WDFY3: variants seen among roughly 807,000 people sequenced by gnomAD.
The protein encoded by WDFY3 is WD repeat and FYVE domain-containing protein 3.
Under a neutral mutation model 409.6 loss-of-function variants are expected in WDFY3, and 66 were observed. That is an observed-to-expected ratio of 0.16 (90% CI 0.13 to 0.20). The LOEUF is 0.20. Among genes scored for constraint, WDFY3 ranks in the 10% least tolerant of loss-of-function variants. The probability of loss-of-function intolerance (pLI) is 1.00; values close to 1 mark genes in which losing one functional copy is unlikely to be tolerated. For missense variants in WDFY3, 3,031 were observed against 4,298.1 expected, an observed-to-expected ratio of 0.71 and a Z score of 8.24; for synonymous variants, 1,521 against 1,537.1, an observed-to-expected ratio of 0.99 and a Z score of 0.25.
intron 1 of WDFY3, among the ~76,000 whole-genome samples, chr4:84,954,823 C>G (rs1208409351): frequency 1.3e-5 from 2 of 152,166 alleles, no homozygotes; most frequent in Non-Finnish European, 2.9e-5. Context: ...CAAACTCTCT[C>G]TAGAATCAGC....
intron 3 of WDFY3, among the ~76,000 whole-genome samples, chr4:84,880,843 G>A (rs1184711086): frequency 3.4e-5 from 5 of 148,984 alleles, no homozygotes; most frequent in African/African-American, 5.0e-5. Flanking sequence ...TCAGCCTCTC[G>A]AGTGGCTGGG....
At chr4:84,804,404 A>G (rs1040106524) in intron 15 of WDFY3, among the ~76,000 whole-genome samples, 6 of 152,144 alleles carry the variant, frequency 3.9e-5, no homozygotes, top group Non-Finnish European at 5.9e-5. Context: ...TACGTCACTG[A>G]TTTAGTAGCA....
chr4:84,720,150 GAC>G (rs1011605752), intron 47 of WDFY3, among the ~76,000 whole-genome samples: 7 of 152,126 alleles, frequency 4.6e-5, no homozygotes, highest in Admixed American at 1.3e-4. Flanking sequence ...ATAGAGATAA[GAC>G]ACAGTTTGCC....
chr4:84,892,023 A>ATTT (rs200646761), intron 3 of WDFY3, among the ~76,000 whole-genome samples: 2 of 135,852 alleles, frequency 1.5e-5, no homozygotes, highest in African/African-American at 2.7e-5. Context: ...ATGGCCTTCA[A>ATTT]TTTTTTTTTT....
chr4:84,711,149 T>C (rs573229187), intron 51 of WDFY3, among the ~76,000 whole-genome samples: 2 of 152,348 alleles, frequency 1.3e-5, no homozygotes, highest in South Asian at 4.1e-4. Context: ...TATAAAGGGC[T>C]ACTAGTTACT....
intron 59 of WDFY3, among the ~76,000 whole-genome samples, chr4:84,692,021 C>T (rs1729351722): frequency 6.6e-6 from 1 of 152,192 alleles, no homozygotes; most frequent in Non-Finnish European, 1.5e-5. Flanking sequence ...TATTTCTGGG[C>T]ACTCTCTGGT....
chr4:84,866,638 T>C (rs1404363735), intron 3 of WDFY3, among the ~76,000 whole-genome samples: 1 of 152,214 alleles, frequency 6.6e-6, no homozygotes, highest in African/African-American at 2.4e-5. Flanking sequence ...GGGTAGCTGA[T>C]AGGGACCTCA....
At chr4:84,804,632 A>G (rs2149680746) in intron 15 of WDFY3, among the ~76,000 whole-genome samples, 1 of 152,282 alleles carries the variant, frequency 6.6e-6, no homozygotes, top group South Asian at 2.1e-4. Context: ...AAATATTCAA[A>G]ATGTGTATTA....
At chr4:84,850,713 T>C (rs1208940405) in intron 4 of WDFY3, among the ~76,000 whole-genome samples, 1 of 152,104 alleles carries the variant, frequency 6.6e-6, no homozygotes, top group African/African-American at 2.4e-5. Flanking sequence ...AAAGCAGCTC[T>C]ACTGCTAAAT....
At chr4:84,860,380 C>T (rs370624414) in intron 4 of WDFY3, 32 bp downstream of exon 4, 71 of 1,590,608 alleles carry the variant, frequency 4.5e-5, no homozygotes, top group Non-Finnish European at 5.8e-5. Flanking sequence ...CCCCCAGTCC[C>T]GGAAGGTGTG....
chr4:84,764,160 G>A (rs1298555582), intron 32 of WDFY3, among the ~76,000 whole-genome samples: 5 of 152,296 alleles, frequency 3.3e-5, no homozygotes, highest in South Asian at 4.1e-4. Context: ...AATCTCAGGC[G>A]TTATTACTAC....
chr4:84,790,471 A>G (rs1748322417), intron 21 of WDFY3, among the ~76,000 whole-genome samples: 1 of 152,238 alleles, frequency 6.6e-6, no homozygotes, highest in Admixed American at 6.5e-5. Context: ...TGCTCAAGAA[A>G]TATAGGTATA....
At chr4:84,677,956 T>C (rs1329420951) in intron 66 of WDFY3, among the ~76,000 whole-genome samples, 16 of 101,616 alleles carry the variant, frequency 1.6e-4, no homozygotes, top group Admixed American at 5.2e-4. Flanking sequence ...AACAAGACCC[T>C]GTCTCAAAAA....
At chr4:84,870,083 C>T (rs967037212) in intron 3 of WDFY3, among the ~76,000 whole-genome samples, 2 of 152,004 alleles carry the variant, frequency 1.3e-5, no homozygotes, top group Non-Finnish European at 2.9e-5. Context: ...TAATCATTTG[C>T]GATACTGAAA....
chr4:84,681,693 C>CA (rs1288920828), intron 64 of WDFY3, among the ~76,000 whole-genome samples: 2 of 152,048 alleles, frequency 1.3e-5, no homozygotes, highest in Admixed American at 1.3e-4. Context: ...TGTTCCTTTC[C>CA]AGGAAGTTCC....
intron 24 of WDFY3, among the ~76,000 whole-genome samples, chr4:84,783,547 A>G (rs1212938296): frequency 2.0e-5 from 3 of 152,170 alleles, no homozygotes; most frequent in Non-Finnish European, 2.9e-5. Flanking sequence ...TACTGAGATA[A>G]AGATGGTGAG....
At chr4:84,716,548 G>A (rs1480197249) in intron 49 of WDFY3, among the ~76,000 whole-genome samples, 2 of 151,342 alleles carry the variant, frequency 1.3e-5, no homozygotes, top group Non-Finnish European at 2.9e-5. Flanking sequence ...TGTAATCCCA[G>A]CACTTTGGGA....
intron 32 of WDFY3, among the ~76,000 whole-genome samples, chr4:84,761,542 T>G (rs1362550050): frequency 6.6e-6 from 1 of 152,086 alleles, no homozygotes; most frequent in African/African-American, 2.4e-5. Context: ...GTTGAATTGA[T>G]CCCTTTACCA....
rs143711886 is a variant in WDFY3, at chr4:84,811,200, T to G, written c.1888-856A>C. 1.0e-2 allele frequency among the ~76,000 whole-genome samples: 1,520 copies of G among 152,270 alleles called. 14 individuals carry two copies. The highest frequency in any genetic ancestry group is 0.014 in the Non-Finnish European group (945 of 68,032). The stretch of plus-strand genomic sequence containing the variant: ...TTTTAGTAGAGATGGGGTTTCACCA[T>G]ATTGGCCAGGCTAGTCTCAAACTCC... On this transcript the variant is annotated intron_variant, in intron 13 of 67. Coordinates refer to ENST00000295888, the MANE Select transcript of WDFY3 (RefSeq NM_014991.6).
Sources: allele counts gnomAD v4.1 joint callset (sites outside exome capture counted in the v4.1 genomes callset), GRCh38; gene constraint gnomAD v4.1.1; transcripts MANE v1.5; gene names NCBI Gene and HGNC (gene_info 2026-07-23, HGNC 2026-07-21).